UPK1B: variants seen among roughly 807,000 people sequenced by gnomAD.
UPK1B encodes uroplakin-1b.
In UPK1B, 28 loss-of-function variants were observed where a neutral mutation model predicts 34.2. The ratio of observed to expected loss-of-function variants is 0.82; its 90% CI spans 0.61 to 1.12. UPK1B has a LOEUF of 1.12. Among genes scored for constraint, UPK1B ranks in the 50% most tolerant of loss-of-function variants. UPK1B has a pLI of 0.00. For missense variants in UPK1B, 325 were observed against 320.9 expected (o/e 1.01, Z -0.10); for synonymous variants, 81 against 110.4 (o/e 0.73, Z 1.67).
chr3:119,203,968 G>A lies in UPK1B; in HGVS notation c.*1G>A, dbSNP rs1020526629. ...CTACTGGAGCAGAATTGAATATTAA[G>A]CATAAAGTGTTGCCACCATACCTCC... On this transcript the variant is annotated 3_prime_UTR_variant, in exon 8 of 8. Transcript: ENST00000264234. The A allele has an allele frequency of 6.2e-7, 1 of 1,613,794 alleles. No individual in the cohort carries two copies. The highest frequency in any genetic ancestry group is 8.5e-7 in the Non-Finnish European group (1 of 1,180,014).
chr3:119,203,361 A>AAAACAAAAAC (rs2078101949), intron 7 of UPK1B, among the ~76,000 whole-genome samples: 1 of 151,250 alleles, frequency 6.6e-6, no homozygotes, highest in Non-Finnish European at 1.5e-5. Flanking sequence ...AAAAAAAAAA[A>AAAACAAAAAC]AAAAAAATCT....
At position 119,190,305 on chromosome 3, in the gene UPK1B, A is replaced by G; in HGVS notation, c.331A>G (p.Thr111Ala). The G allele has an allele frequency of 6.2e-7, 1 of 1,612,242 alleles. No individual in the cohort carries two copies. ...FEVASCITAA[T>A]QQDFFTPNLF... ...AGTGGCATCTTGTATCACAGCAGCA[A>G]CACAACAAGACTTTGTGAGTACAAC... The change falls in exon 4 of 8, where the codon ACA becomes GCA. Residue 111 changes from threonine (T) to alanine (A), a missense_variant. Physicochemically the swap from Thr to Ala is moderately conservative, Grantham distance 58 (BLOSUM62 0). Transcript: ENST00000264234.
chr3:119,188,545 G>A (rs534168763), intron 3 of UPK1B, among the ~76,000 whole-genome samples: 232 of 152,256 alleles, frequency 1.5e-3, no homozygotes, highest in African/African-American at 5.3e-3. Context: ...ACCTTGATAA[G>A]CACCACTGTA....
In UPK1B at chr3:119,187,845, T is replaced by C. The variant is rs2078026224; in HGVS notation, c.140T>C (p.Leu47Pro). 1.9e-6 allele frequency: 3 copies of C among 1,614,122 alleles called. No individual in the cohort carries two copies. The highest frequency in any genetic ancestry group is 1.1e-5 in the South Asian group (1 of 91,074). ...GACCAACACAGCCTCTACCCACTGC[T>C]TGAAGCCACCGACAACGATGACATC... ...VSDQHSLYPLLEATDNDDIYG... is the reference protein window; with the variant it reads ...VSDQHSLYPLPEATDNDDIYG... The change falls in exon 3 of 8, where the codon CTT (leucine) becomes CCT (proline). Residue 47 changes from leucine to proline, a missense_variant. Coordinates refer to ENST00000264234, the MANE Select transcript of UPK1B (RefSeq NM_006952.4).
intron 1 of UPK1B, 115 bp downstream of exon 1, chr3:119,173,753 T>A (rs1016999937): frequency 4.6e-5 from 7 of 152,218 alleles, no homozygotes; most frequent in Non-Finnish European, 1.0e-4. Context: ...AGATTCTTGA[T>A]TCATAAAGTC....
chr3:119,203,839 T>C, intron 7 of UPK1B, 78 bp from the exon 8 acceptor site: 1 of 1,457,408 alleles, frequency 6.9e-7, no homozygotes. Flanking sequence ...TGAATGAACC[T>C]AACATCCACT....
At chr3:119,189,123 G>C (rs760202683) in intron 3 of UPK1B, among the ~76,000 whole-genome samples, 10 of 152,128 alleles carry the variant, frequency 6.6e-5, no homozygotes, top group Non-Finnish European at 1.2e-4. Context: ...GGAGGCAAAG[G>C]GGCTAAAGGA....
Position 119,202,408 on chromosome 3 carries a change from G to C in UPK1B, c.733-1509G>C, listed in dbSNP as rs142953609. Among the ~76,000 whole-genome samples, 804 of 152,242 alleles carry C rather than the reference G, an allele frequency of 5.3e-3. 7 individuals carry two copies. Among genetic ancestry groups the C allele is most frequent in the African/African-American group, 0.018 (766 of 41,534 alleles). ...TCTCTGTGCCTCCGTTTCTCCATAG[G>C]GTTTTGGAAGCATTAACTTCAGTTA... On this transcript the variant is annotated intron_variant, in intron 7 of 7. Coordinates refer to ENST00000264234, the MANE Select transcript of UPK1B (RefSeq NM_006952.4).
At chr3:119,198,670 C>T (rs979763394) in intron 6 of UPK1B, among the ~76,000 whole-genome samples, 3 of 152,106 alleles carry the variant, frequency 2.0e-5, no homozygotes, top group African/African-American at 4.8e-5. Flanking sequence ...CAAAAACAAA[C>T]AAATCAAAAA....
At chr3:119,179,818 T>C (rs2077981037) in intron 1 of UPK1B, among the ~76,000 whole-genome samples, 2 of 93,128 alleles carry the variant, frequency 2.1e-5, no homozygotes, top group Non-Finnish European at 4.8e-5. Context: ...TTTTTTTTTT[T>C]TTTTTTTTTT....
intron 6 of UPK1B, among the ~76,000 whole-genome samples, chr3:119,196,016 T>C (rs13078225): frequency 8.1e-6 from 1 of 123,128 alleles, no homozygotes. Flanking sequence ...GTTCCCTGGC[T>C]TTATCTGTTC....
chr3:119,184,777 T>C (rs1340278013), intron 1 of UPK1B, among the ~76,000 whole-genome samples: 2 of 152,182 alleles, frequency 1.3e-5, no homozygotes, highest in Non-Finnish European at 2.9e-5. Context: ...GAAATTGTCT[T>C]ATTTCACACA....
At chr3:119,184,484 C>T (rs2078007437) in intron 1 of UPK1B, among the ~76,000 whole-genome samples, 1 of 151,542 alleles carries the variant, frequency 6.6e-6, no homozygotes, top group Admixed American at 6.6e-5. Context: ...CTTTAGGAGG[C>T]CAAGGCAGGA....
At chr3:119,182,712 TC>T (rs976014891) in intron 1 of UPK1B, among the ~76,000 whole-genome samples, 1 of 152,218 alleles carries the variant, frequency 6.6e-6, no homozygotes, top group African/African-American at 2.4e-5. Context: ...TACACTTGGC[TC>T]CCTCTTGACA....
In UPK1B at chr3:119,187,831, C is replaced by G; in HGVS notation, c.126C>G (p.Ser42Arg). 3 of 1,614,002 alleles carry G rather than the reference C, an allele frequency of 1.9e-6. No homozygotes were observed. The highest frequency in any genetic ancestry group is 2.5e-6 in the Non-Finnish European group (3 of 1,180,010). The change falls in exon 3 of 8, where the codon AGC becomes AGG. Residue 42 changes from serine to arginine, a missense_variant. Transcript: ENST00000264234. Reference sequence around the variant, plus strand: ...TCTTCTTTGTATCTGACCAACACAGCCTCTACCCACTGCTTGAAGCCACCG... The same window carrying G: ...TCTTCTTTGTATCTGACCAACACAGGCTCTACCCACTGCTTGAAGCCACCG... ...ECIFFVSDQH[S>R]LYPLLEATDN... is the part of the protein sequence containing the mutation.
At position 119,179,900 on chromosome 3, in the gene UPK1B, G is replaced by A. The variant is rs191017984; in HGVS notation, c.-29+6262G>A. Among the ~76,000 whole-genome samples the A allele has an allele frequency of 7.0e-3, 874 of 124,530 alleles. 8 individuals are homozygous for A. Among genetic ancestry groups the A allele is most frequent in the Admixed American group, 0.014 (137 of 9,450 alleles). 81.7% of individuals were successfully genotyped at this position (124,530 alleles called of 152,430 possible). ...GGCAAACTCCGCCTCTCCCGTTCAA[G>A]CGATTCTCCCGCCTCAGCCTCCTGA... is the stretch of plus-strand genomic sequence containing the variant. On this transcript the variant is annotated intron_variant, in intron 1 of 7. Coordinates refer to ENST00000264234, the MANE Select transcript of UPK1B (RefSeq NM_006952.4).
chr3:119,180,029 C>T (rs1009653240), intron 1 of UPK1B, among the ~76,000 whole-genome samples: 12 of 151,176 alleles, frequency 7.9e-5, no homozygotes, highest in Admixed American at 2.0e-4. Context: ...AACTACCAAC[C>T]TCAGGTGATC....
At chr3:119,193,571 G>A (rs1046729219) in intron 5 of UPK1B, among the ~76,000 whole-genome samples, 2 of 151,930 alleles carry the variant, frequency 1.3e-5, no homozygotes, top group Non-Finnish European at 2.9e-5. Context: ...TGTGTCACCA[G>A]GTTATTTTTT....
At chr3:119,179,847 C>T (rs1185169299) in intron 1 of UPK1B, among the ~76,000 whole-genome samples, 1 of 86,518 alleles carries the variant, frequency 1.2e-5, no homozygotes, top group Non-Finnish European at 2.0e-5. Flanking sequence ...TTTTTTGAGA[C>T]GAGTGCAATG....
Sources: gnomAD v4.1 joint callset for allele counts (sites outside exome capture counted in the v4.1 genomes callset) on GRCh38, gnomAD v4.1.1 for gene constraint, MANE v1.5 for transcripts, NCBI Gene and HGNC (gene_info 2026-07-23, HGNC 2026-07-21) for gene names.